The following KIFAP3 variants were observed in gnomAD, a reference collection of about 807,000 sequenced individuals.
The protein encoded by KIFAP3 is kinesin associated protein 3.
A neutral mutation model predicts 106.5 loss-of-function variants in KIFAP3; 68 were observed. The ratio of observed to expected loss-of-function variants is 0.64; its 90% CI spans 0.53 to 0.78. The LOEUF is 0.78. KIFAP3 is among the 30% of genes least tolerant of loss of function. The pLI is 0.00. For missense variants in KIFAP3, 780 were observed against 941.8 expected (o/e 0.83, Z 2.25); for synonymous variants, 320 against 311.5 (o/e 1.03, Z -0.29).
chr1:170,049,527 T>C (rs536808068), intron 2 of KIFAP3, among the ~76,000 whole-genome samples: 2 of 152,274 alleles, frequency 1.3e-5, no homozygotes, highest in East Asian at 1.9e-4. Flanking sequence ...CTGACCCCCA[T>C]GCCTCCTGAC....
chr1:169,969,905 GTCTT>G (rs1443733718), intron 17 of KIFAP3, among the ~76,000 whole-genome samples: 2 of 151,938 alleles, frequency 1.3e-5, no homozygotes, highest in African/African-American at 2.4e-5. Flanking sequence ...TGTTCTCAGT[GTCTT>G]TCTTAGTGTT....
At chr1:169,948,330 A>G (rs1183960324) in intron 19 of KIFAP3, among the ~76,000 whole-genome samples, 2 of 151,902 alleles carry the variant, frequency 1.3e-5, no homozygotes, top group African/African-American at 4.8e-5. Flanking sequence ...AAAATGGCTA[A>G]GTCAGTTTTT....
At chr1:169,927,733 C>G (rs959216169) in intron 19 of KIFAP3, among the ~76,000 whole-genome samples, 1 of 152,124 alleles carries the variant, frequency 6.6e-6, no homozygotes, top group African/African-American at 2.4e-5. Context: ...GCAGCCTGAG[C>G]AACAGAGAGG....
Position 170,039,630 on chromosome 1 carries a change from GTAGGAA to G in KIFAP3, c.320-348_320-343del, listed in dbSNP as rs568493014. Among the ~76,000 whole-genome samples, 280 of 151,944 alleles carry G rather than the reference GTAGGAA, an allele frequency of 1.8e-3. 1 individual carries two copies. The highest frequency in any genetic ancestry group is 6.6e-3 in the African/African-American group (273 of 41,430). On this transcript the variant is annotated intron_variant, in intron 3 of 19. Transcript: ENST00000361580. ...TTTCCCTTCCTAATTCAAATTTAAGGTAGGAATAGGAAAATCAATAAGGCAAAGAAA... is the reference window on the plus strand; with the variant it reads ...TTTCCCTTCCTAATTCAAATTTAAGGTAGGAAAATCAATAAGGCAAAGAAA...
At chr1:170,005,141 AT>A (rs1667881058) in intron 10 of KIFAP3, among the ~76,000 whole-genome samples, 2 of 151,230 alleles carry the variant, frequency 1.3e-5, no homozygotes, top group Admixed American at 6.6e-5. Flanking sequence ...AGAAATGCAA[AT>A]CAAAACCACA....
chr1:170,071,553 G>A (rs996477506), intron 1 of KIFAP3, among the ~76,000 whole-genome samples: 1 of 152,092 alleles, frequency 6.6e-6, no homozygotes, highest in African/African-American at 2.4e-5. Flanking sequence ...ATAACACAGT[G>A]GACAAGATCA....
intron 10 of KIFAP3, among the ~76,000 whole-genome samples, chr1:170,014,707 T>G (rs543057518): frequency 6.6e-6 from 1 of 152,294 alleles, no homozygotes; most frequent in Non-Finnish European, 1.5e-5. Context: ...TTAAAAAAAT[T>G]ACCTGGTTTG....
In KIFAP3 at chr1:169,982,805, T is replaced by C; in HGVS notation, c.1569A>G (p.Glu523=). The change falls in exon 14 of 20, where the codon GAA becomes GAG. Residue 523 remains glutamate, a synonymous_variant. Coordinates refer to ENST00000361580, the MANE Select transcript of KIFAP3 (RefSeq NM_014970.4). The part of the protein sequence containing the change: ...SNDEEEEFVI[E]CLGTLANLTI... Reference sequence around the variant, plus strand: ...TCAAGTTTGCAAGAGTTCCCAAACATTCAATCACAAACTCCTCTTCTTCAT... The same window carrying C: ...TCAAGTTTGCAAGAGTTCCCAAACACTCAATCACAAACTCCTCTTCTTCAT... The C allele has an allele frequency of 6.2e-7, 1 of 1,608,326 alleles. No individual in the cohort carries two copies. The highest frequency in any genetic ancestry group is 8.5e-7 in the Non-Finnish European group (1 of 1,175,978).
In KIFAP3 at chr1:169,965,691, T is replaced by A. The variant is rs1264586348; in HGVS notation, c.1984-4456A>T. ...AATGTAAAAATGTGTAACAAAGAAGTTTCTTCATAAACAATTGCCCTTCTA... is the reference window on the plus strand; with the variant it reads ...AATGTAAAAATGTGTAACAAAGAAGATTCTTCATAAACAATTGCCCTTCTA... On this transcript the variant is annotated intron_variant, in intron 17 of 19. Coordinates refer to ENST00000361580, the MANE Select transcript of KIFAP3 (RefSeq NM_014970.4). Among the ~76,000 whole-genome samples, 3 of 152,036 alleles carry A rather than the reference T, an allele frequency of 2.0e-5. No homozygotes were observed. The East Asian group carries it at 5.8e-4, about 29-fold the overall frequency.
Position 170,026,398 on chromosome 1 carries a change from A to T in KIFAP3, c.842-1802T>A, listed in dbSNP as rs533475801. 3.3e-5 allele frequency among the ~76,000 whole-genome samples: 5 copies of T among 152,324 alleles called. No individual in the cohort carries two copies. The East Asian group carries it at 9.6e-4, about 29-fold the overall frequency. ...AAAACAAAGATTTTCACAATAGTGGACACCAGACAATGAAGGACAGTAATC... is the reference window on the plus strand; with the variant it reads ...AAAACAAAGATTTTCACAATAGTGGTCACCAGACAATGAAGGACAGTAATC... On this transcript the variant is annotated intron_variant, in intron 8 of 19. Transcript: ENST00000361580.
intron 19 of KIFAP3, among the ~76,000 whole-genome samples, chr1:169,939,746 A>C (rs1664004826): frequency 6.6e-6 from 1 of 152,130 alleles, no homozygotes; most frequent in South Asian, 2.1e-4. Context: ...GAAAATCAGA[A>C]AAATGGGGTA....
chr1:169,927,319 G>A (rs1354788258), intron 19 of KIFAP3, among the ~76,000 whole-genome samples: 1 of 152,052 alleles, frequency 6.6e-6, no homozygotes, highest in Admixed American at 6.6e-5. Context: ...CACCTAACAT[G>A]GAAGAAATAT....
intron 10 of KIFAP3, among the ~76,000 whole-genome samples, chr1:170,004,918 G>A (rs1667867418): frequency 6.6e-6 from 1 of 151,812 alleles, no homozygotes. Flanking sequence ...GAGTGAACAG[G>A]CAACCTACAG....
chr1:169,982,636 C>T lies in KIFAP3; in HGVS notation c.1672+66G>A, dbSNP rs12140819. On this transcript the variant is annotated intron_variant, in intron 14 of 19. Coordinates refer to ENST00000361580, the MANE Select transcript of KIFAP3 (RefSeq NM_014970.4). ...TAATAGTCACACAATACTGCTCTAG[C>T]AGCCTTATCCATAACAGAAAGAAAT... 2.2e-3 allele frequency: 2,374 copies of T among 1,087,268 alleles called. 8 individuals carry two copies. The highest frequency in any genetic ancestry group is 5.2e-3 in the Middle Eastern group (19 of 3,658). 67.4% of individuals were successfully genotyped at this position (1,087,268 alleles called of 1,614,324 possible). A position where few individuals can be genotyped will look rare whatever the true frequency, so the allele number is the denominator to read the frequency against.
At chr1:170,035,098 C>G (rs549684368) in intron 6 of KIFAP3, among the ~76,000 whole-genome samples, 1 of 151,990 alleles carries the variant, frequency 6.6e-6, no homozygotes, top group South Asian at 2.1e-4. Context: ...TTTGTACATA[C>G]ATGCATATAT....
rs1343636561 is a variant in KIFAP3, at chr1:170,046,766, C to T, written c.265G>A (p.Val89Ile). Reference protein sequence around the residue: ...KLIHPSKLNEVEQLLYYLQNR... With the variant: ...KLIHPSKLNEIEQLLYYLQNR... ...TGTAGATAGTACAACAGCTGTTCTA[C>T]CTCATTTAGTTTTGAAGGATGAATG... The change falls in exon 3 of 20, where the codon GTA becomes ATA. Residue 89 changes from valine (V) to isoleucine (I), a missense_variant. Val to Ile is a conservative substitution (Grantham distance 29). Transcript: ENST00000361580. 2 of 1,608,148 alleles carry T rather than the reference C, an allele frequency of 1.2e-6. No individual in the cohort carries two copies. The highest frequency in any genetic ancestry group is 1.7e-6 in the Non-Finnish European group (2 of 1,177,022).
intron 10 of KIFAP3, among the ~76,000 whole-genome samples, chr1:170,009,306 A>T (rs1668127458): frequency 1.3e-5 from 2 of 152,108 alleles, no homozygotes; most frequent in African/African-American, 4.8e-5. Flanking sequence ...TTGGAACATT[A>T]CTTAATTTAA....
At chr1:169,963,028 G>C (rs1665417412) in intron 17 of KIFAP3, among the ~76,000 whole-genome samples, 2 of 152,132 alleles carry the variant, frequency 1.3e-5, no homozygotes, top group Admixed American at 1.3e-4. Flanking sequence ...TGTCATGGGG[G>C]TTTGGTGTAC....
chr1:169,984,811 T>C (rs530070717), intron 11 of KIFAP3, 121 bp from the exon 12 acceptor site: 1 of 555,826 alleles, frequency 1.8e-6, no homozygotes, highest in Non-Finnish European at 3.3e-6. Flanking sequence ...TATAATTATT[T>C]ACATTTCAAC....
Sources: allele counts gnomAD v4.1 joint callset (sites outside exome capture counted in the v4.1 genomes callset), GRCh38; gene constraint gnomAD v4.1.1; transcripts MANE v1.5; gene names NCBI Gene and HGNC (gene_info 2026-07-23, HGNC 2026-07-21).